Variants in SCO1 observed in about 807,000 individuals in gnomAD.
SCO1 encodes cytochrome c oxidase assembly factor SCO1.
A neutral mutation model predicts 34.0 loss-of-function variants in SCO1; 23 were observed. The observed-to-expected ratio is 0.68, with a 90% CI of 0.49 to 0.96. The LOEUF (loss-of-function observed/expected upper bound fraction) is 0.96. Ranked by LOEUF, SCO1 falls within the 40% of genes least tolerant of loss-of-function variation. The probability of loss-of-function intolerance (pLI) is 0.00; values close to 1 mark genes in which losing one functional copy is unlikely to be tolerated. For synonymous variants in SCO1, 161 were observed against 145.5 expected, an observed-to-expected ratio of 1.11 and a Z score of -0.77; for missense variants, 404 against 381.6, an observed-to-expected ratio of 1.06 and a Z score of -0.49.
At chr17:10,697,141 G>T in intron 1 of SCO1, 94 bp downstream of exon 1, 2 of 1,195,306 alleles carry the variant, frequency 1.7e-6, no homozygotes, top group South Asian at 1.6e-5. Context: ...AGGGGAGGCG[G>T]AGTAGTGTCT....
intron 4 of SCO1, among the ~76,000 whole-genome samples, chr17:10,687,628 G>A (rs2074664885): frequency 6.6e-6 from 1 of 152,186 alleles, no homozygotes; most frequent in Non-Finnish European, 1.5e-5. Flanking sequence ...TCCACTCTGA[G>A]TAAATAAAGA....
chr17:10,686,895 A>T, intron 4 of SCO1, 53 bp from the exon 5 acceptor site: 1 of 1,154,078 alleles, frequency 8.7e-7, no homozygotes, highest in Non-Finnish European at 1.3e-6. Context: ...TAAAACAACC[A>T]TCTCTACTTC....
intron 4 of SCO1, 143 bp from the exon 5 acceptor site, chr17:10,686,985 GAAAAGGA>G (rs2074660936): frequency 1.5e-6 from 1 of 674,192 alleles, no homozygotes; most frequent in South Asian, 1.6e-5. Context: ...CGATTCAAAG[GAAAAGGA>G]GAAGAAATTC....
intron 4 of SCO1, 98 bp from the exon 5 acceptor site, chr17:10,686,940 C>A: frequency 1.3e-6 from 1 of 770,564 alleles, no homozygotes; most frequent in East Asian, 2.5e-5. Flanking sequence ...GCTCTACTGC[C>A]ACTTTCTTCC....
intron 5 of SCO1, among the ~76,000 whole-genome samples, chr17:10,683,256 T>C (rs1450573552): frequency 6.6e-6 from 1 of 152,130 alleles, no homozygotes; most frequent in East Asian, 1.9e-4. Context: ...AACAATATAT[T>C]CTACAGTACT....
At position 10,681,169 on chromosome 17, in the gene SCO1, T is replaced by G; in HGVS notation, c.856A>C (p.Ile286Leu). The G allele has an allele frequency of 6.2e-7, 1 of 1,614,204 alleles. No homozygotes were observed. The highest frequency in any genetic ancestry group is 1.1e-5 in the South Asian group (1 of 91,092). The change falls in exon 6 of 6, where the codon ATA becomes CTA. Residue 286 changes from isoleucine (I) to leucine (L), a missense_variant. Ile to Leu is a conservative substitution (Grantham distance 5). Coordinates refer to ENST00000255390, the MANE Select transcript of SCO1 (RefSeq NM_004589.4). The part of the protein sequence containing the change: ...YFGQNKRKGE[I>L]AASIATHMRP... ...ATGTGTGTGGCAATTGAAGCAGCTA[T>G]TTCTCCCTTCCTCTTGTTCTGGCCA...
At position 10,692,955 on chromosome 17, in the gene SCO1, T is replaced by C. The variant is rs762304322; in HGVS notation, c.371A>G (p.Glu124Gly). The change falls in exon 3 of 6, where the codon GAG becomes GGG. Residue 124 changes from glutamate to glycine, a missense_variant. Glu to Gly is a moderately conservative substitution (Grantham distance 98). Coordinates refer to ENST00000255390, the MANE Select transcript of SCO1 (RefSeq NM_004589.4). ...HVKKEKAEKL[E>G]KERQRHIGKP... is the part of the protein sequence containing the mutation. ...GCCGATGTGTCGCTGCCGTTCCTTC[T>C]CTAACTCTTAAGGAGACAAAAACAT... The C allele has an allele frequency of 6.2e-7, 1 of 1,613,836 alleles. No individual in the cohort carries two copies. Among genetic ancestry groups the C allele is most frequent in the Admixed American group, 1.7e-5 (1 of 59,986 alleles).
Position 10,680,830 on chromosome 17 carries a change from C to T in SCO1, c.*289G>A. 1 of 476,940 alleles carries T rather than the reference C, an allele frequency of 2.1e-6. No homozygotes were observed. Among genetic ancestry groups the T allele is most frequent in the South Asian group, 2.1e-5 (1 of 46,566 alleles). The allele number at this position is 476,940 out of a possible 1,614,324, so 29.5% of individuals were successfully genotyped here. On this transcript the variant is annotated 3_prime_UTR_variant, in exon 6 of 6. Transcript: ENST00000255390. ...GCAGGAATGCACTGGCTGTGCCTCG[C>T]CCCGCCATGTCCTTCCACAGGTGGG... is the stretch of plus-strand genomic sequence containing the variant.
At chr17:10,681,353 TTAAA>T in intron 5 of SCO1, 100 bp from the exon 6 acceptor site, 1 of 1,235,918 alleles carries the variant, frequency 8.1e-7, no homozygotes, top group Non-Finnish European at 1.2e-6. Flanking sequence ...ACATTAATGC[TTAAA>T]TAACCTTTAC....
intron 2 of SCO1, 128 bp downstream of exon 2, chr17:10,695,613 C>A: frequency 1.5e-6 from 1 of 679,220 alleles, no homozygotes; most frequent in Non-Finnish European, 2.6e-6. Context: ...AGAACCTATG[C>A]TATCTTTGCA....
At chr17:10,695,112 T>C (rs1357352001) in intron 2 of SCO1, among the ~76,000 whole-genome samples, 1 of 152,230 alleles carries the variant, frequency 6.6e-6, no homozygotes, top group Non-Finnish European at 1.5e-5. Context: ...GTTCCTGGCA[T>C]TTCCTGACCA....
At chr17:10,687,858 G>T (rs998101540) in intron 4 of SCO1, among the ~76,000 whole-genome samples, 36 of 152,016 alleles carry the variant, frequency 2.4e-4, no homozygotes, top group Admixed American at 7.9e-4. Flanking sequence ...ACTCATTTGG[G>T]GATATTATGG....
chr17:10,685,121 T>C (rs754404492), intron 5 of SCO1, among the ~76,000 whole-genome samples: 35 of 152,162 alleles, frequency 2.3e-4, no homozygotes, highest in Non-Finnish European at 4.3e-4. Context: ...AAAGAAATCA[T>C]AGTTGGCTGT....
rs796541078 is a variant in SCO1, at chr17:10,672,998, CTT to C, written c.*8119_*8120del. The C allele has an allele frequency of 0.5, 68,069 of 135,002 alleles. 15,875 individuals carry two copies. The highest frequency in any genetic ancestry group is 0.62 in the East Asian group (2,822 of 4,524). 8.4% of individuals were successfully genotyped at this position (135,002 alleles called of 1,614,324 possible). On this transcript the variant is annotated 3_prime_UTR_variant, in exon 6 of 6. Coordinates refer to ENST00000255390, the MANE Select transcript of SCO1 (RefSeq NM_004589.4). The stretch of plus-strand genomic sequence containing the variant: ...ATGTCTAAAAGCTGCCCTAATTTTT[CTT>C]TTTTTTCTTTTTTTTTTTTTTTGAG...
chr17:10,674,418 C>T lies in SCO1; in HGVS notation c.*6701G>A, dbSNP rs1200170537. The stretch of plus-strand genomic sequence containing the variant: ...TCCAGCCTAGGCAACAAGAGCGAAA[C>T]TCCATCTCAAAACAAACAAACAAAC... On this transcript the variant is annotated 3_prime_UTR_variant, in exon 6 of 6. Coordinates refer to ENST00000255390, the MANE Select transcript of SCO1 (RefSeq NM_004589.4). 2 of 285,518 alleles carry T rather than the reference C, an allele frequency of 7.0e-6. No homozygotes were observed. The highest frequency in any genetic ancestry group is 2.7e-4 in the East Asian group (2 of 7,274). 17.7% of individuals were successfully genotyped at this position (285,518 alleles called of 1,614,324 possible).
At position 10,680,900 on chromosome 17, in the gene SCO1, A is replaced by G. The variant is rs1283222238; in HGVS notation, c.*219T>C. The stretch of plus-strand genomic sequence containing the variant: ...CAGCTTGATCCTCTGGTCTCCCCAC[A>G]GCTTCCTGGGAGACTTTGGGTTGTA... On this transcript the variant is annotated 3_prime_UTR_variant, in exon 6 of 6. Coordinates refer to ENST00000255390, the MANE Select transcript of SCO1 (RefSeq NM_004589.4). 2 of 591,710 alleles carry G rather than the reference A, an allele frequency of 3.4e-6. No homozygotes were observed. Among genetic ancestry groups the G allele is most frequent in the Non-Finnish European group, 3.0e-6 (1 of 335,748 alleles). The allele number at this position is 591,710 out of a possible 1,614,324, so 36.7% of individuals were successfully genotyped here. A position where few individuals can be genotyped will look rare whatever the true frequency, so the allele number is the denominator to read the frequency against.
At chr17:10,681,685 A>G (rs2074622829) in intron 5 of SCO1, among the ~76,000 whole-genome samples, 1 of 152,182 alleles carries the variant, frequency 6.6e-6, no homozygotes, top group Non-Finnish European at 1.5e-5. Flanking sequence ...CAGACATCAC[A>G]TGGAATTAAG....
chr17:10,692,777 G>A lies in SCO1; in HGVS notation c.549C>T (p.Val183=), dbSNP rs779187524. ...TGGCTTTCTTACCTATTTCATCCAC[G>A]ACTTGAATCATCTTTTCTAGTTCTT... The part of the protein sequence containing the change: ...CPEELEKMIQ[V]VDEIDSITTL... Residue 183 remains valine, a synonymous_variant, in exon 3 of 6, where the codon GTC becomes GTT. Coordinates refer to ENST00000255390, the MANE Select transcript of SCO1 (RefSeq NM_004589.4). The A allele has an allele frequency of 9.9e-6, 16 of 1,613,674 alleles. No homozygotes were observed. The highest frequency in any genetic ancestry group is 2.2e-5 in the East Asian group (1 of 44,896).
intron 4 of SCO1, among the ~76,000 whole-genome samples, chr17:10,689,458 G>C (rs902752661): frequency 6.6e-6 from 1 of 152,124 alleles, no homozygotes; most frequent in East Asian, 1.9e-4. Context: ...CTTTTAACCA[G>C]TTATTAAATC....
Sources: gnomAD v4.1 joint callset for allele counts (sites outside exome capture counted in the v4.1 genomes callset) on GRCh38, gnomAD v4.1.1 for gene constraint, MANE v1.5 for transcripts, NCBI Gene and HGNC (gene_info 2026-07-23, HGNC 2026-07-21) for gene names.